The following MGAT4C variants were observed in gnomAD, a reference collection of about 807,000 sequenced individuals.
MGAT4C encodes alpha-1,3-mannosyl-glycoprotein 4-beta-N-acetylglucosaminyltransferase C.
Under a neutral mutation model 40.1 loss-of-function variants are expected in MGAT4C, and 19 were observed. That is an observed-to-expected ratio of 0.47 (90% CI 0.33 to 0.70). MGAT4C has a LOEUF of 0.70. Among genes scored for constraint, MGAT4C ranks in the 30% least tolerant of loss-of-function variants. The pLI, the probability that MGAT4C is intolerant of heterozygous loss-of-function variation, is 0.02. For missense variants in MGAT4C, 491 were observed against 563.2 expected (o/e 0.87, Z 1.30); for synonymous variants, 181 against 187.1 (o/e 0.97, Z 0.27).
chr12:86,470,576 G>T (rs1261497121), intron 2 of MGAT4C, among the ~76,000 whole-genome samples: 1 of 152,056 alleles, frequency 6.6e-6, no homozygotes, highest in East Asian at 1.9e-4. Flanking sequence ...TTTAGGAATT[G>T]AATCTTATTC....
chr12:86,811,787 T>TCTA (rs1952480395), intron 1 of MGAT4C, among the ~76,000 whole-genome samples: 1 of 151,596 alleles, frequency 6.6e-6, no homozygotes, highest in Admixed American at 6.6e-5. Flanking sequence ...ATCAATGTTC[T>TCTA]CTATCATTTT....
At chr12:86,298,847 A>G (rs924520368) in intron 4 of MGAT4C, among the ~76,000 whole-genome samples, 2 of 152,156 alleles carry the variant, frequency 1.3e-5, no homozygotes, top group African/African-American at 4.8e-5. Context: ...TAGTATATCT[A>G]TACCAATCAC....
chr12:86,097,413 A>G (rs1395355728), intron 1 of MGAT4C, among the ~76,000 whole-genome samples: 3 of 151,688 alleles, frequency 2.0e-5, no homozygotes, highest in Non-Finnish European at 4.4e-5. Context: ...ATAATCCTGG[A>G]TACTAAAATA....
intron 2 of MGAT4C, among the ~76,000 whole-genome samples, chr12:86,615,996 G>T (rs946824318): frequency 9.9e-5 from 15 of 152,092 alleles, no homozygotes; most frequent in Admixed American, 9.8e-4. Context: ...GCTCCAGTAA[G>T]AAAGTTGTAG....
rs187031266 is a variant in MGAT4C at position 86,727,533 on chromosome 12, C to T, written c.-261-292G>A. ...GATCTTAAATATTGCTAGAGAGGAT[C>T]GAAGAGGCAAAGGAAAGCCAGAAGT... On this transcript the variant is annotated intron_variant, in intron 1 of 7. Coordinates refer to the MGAT4C transcript ENST00000548651. Among the ~76,000 whole-genome samples the T allele has an allele frequency of 1.7e-3, 252 of 150,914 alleles. 1 individual carries two copies. Among genetic ancestry groups the T allele is most frequent in the Non-Finnish European group, 2.5e-3 (168 of 67,792 alleles).
rs764404632 is a variant in MGAT4C at position 85,989,570 on chromosome 12, A to G, written c.-6-18T>C. ...ATTCTCTTCTGTGGAAAAGAGACAC[A>G]GAATTACTAGCAGTTGGTTTTGGAT... is the stretch of plus-strand genomic sequence containing the variant. On this transcript the variant is annotated intron_variant, in intron 2 of 4. Transcript: ENST00000611864. 5 of 1,566,268 alleles carry G rather than the reference A, an allele frequency of 3.2e-6. No individual in the cohort carries two copies. In the South Asian group the frequency reaches 6.1e-5, roughly 19 times the overall value.
At chr12:86,001,030 T>C (rs1346720897) in intron 2 of MGAT4C, among the ~76,000 whole-genome samples, 1 of 152,158 alleles carries the variant, frequency 6.6e-6, no homozygotes, top group African/African-American at 2.4e-5. Context: ...TGGCTCATAA[T>C]TTTGTTGAAG....
chr12:86,357,029 T>C (rs1003330760), intron 3 of MGAT4C, among the ~76,000 whole-genome samples: 1 of 152,164 alleles, frequency 6.6e-6, no homozygotes, highest in Non-Finnish European at 1.5e-5. Context: ...CCTCCTCAAG[T>C]GTGTCCCTGA....
Position 86,049,675 on chromosome 12 carries a change from T to C in MGAT4C, c.-8A>G. 1.0e-6 allele frequency: 1 copy of C among 983,494 alleles called. No homozygotes were observed. Among genetic ancestry groups the C allele is most frequent in the South Asian group, 4.7e-5 (1 of 21,242 alleles). 60.9% of individuals were successfully genotyped at this position (983,494 alleles called of 1,614,324 possible). On this transcript the variant is annotated splice_region_variant and 5_prime_UTR_variant, in exon 2 of 5. Coordinates refer to ENST00000611864, the MANE Select transcript of MGAT4C (RefSeq NM_001351288.2). The stretch of plus-strand genomic sequence containing the variant: ...ACCATGAATGACATAGAATCTCACC[T>C]TAAGAAAGACGCTGTCATAATCTGT...
intron 2 of MGAT4C, among the ~76,000 whole-genome samples, chr12:86,450,209 C>T (rs942793954): frequency 6.6e-6 from 1 of 152,152 alleles, no homozygotes; most frequent in Admixed American, 6.6e-5. Flanking sequence ...ACATTGTCAA[C>T]AGGATTTGTT....
At chr12:86,092,121 T>C (rs1041085268) in intron 1 of MGAT4C, among the ~76,000 whole-genome samples, 8 of 152,120 alleles carry the variant, frequency 5.3e-5, no homozygotes, top group African/African-American at 1.9e-4. Flanking sequence ...TGACCTTTTG[T>C]TTTTCATTGC....
chr12:86,201,103 T>C (rs972751547), intron 1 of MGAT4C, among the ~76,000 whole-genome samples: 1 of 152,252 alleles, frequency 6.6e-6, no homozygotes, highest in Non-Finnish European at 1.5e-5. Flanking sequence ...AGTAGACTAA[T>C]ACAGATTTTT....
chr12:86,570,482 A>C (rs1960317066), intron 2 of MGAT4C, among the ~76,000 whole-genome samples: 1 of 152,152 alleles, frequency 6.6e-6, no homozygotes, highest in Non-Finnish European at 1.5e-5. Context: ...CCTTGTACAA[A>C]AATCAGCTCA....
At chr12:86,094,143 G>A (rs1417601055) in intron 1 of MGAT4C, among the ~76,000 whole-genome samples, 2 of 152,080 alleles carry the variant, frequency 1.3e-5, no homozygotes, top group African/African-American at 4.8e-5. Flanking sequence ...ATGAAATATT[G>A]TGTGAATCAT....
At chr12:86,197,779 AAAAGAT>A (rs1949879850) in intron 1 of MGAT4C, among the ~76,000 whole-genome samples, 1 of 152,238 alleles carries the variant, frequency 6.6e-6, no homozygotes, top group Non-Finnish European at 1.5e-5. Context: ...TCAAAAAAGT[AAAAGAT>A]GCATTCTTAG....
intron 2 of MGAT4C, among the ~76,000 whole-genome samples, chr12:86,578,058 A>G (rs1394869666): frequency 6.6e-6 from 1 of 151,722 alleles, no homozygotes; most frequent in Non-Finnish European, 1.5e-5. Flanking sequence ...AATGGTTTAT[A>G]AGATTGTTAT....
chr12:86,435,415 G>C (rs1259221681), intron 2 of MGAT4C: 1 of 151,716 alleles, frequency 6.6e-6, no homozygotes, highest in African/African-American at 2.4e-5. Context: ...CAAGCTGTTT[G>C]GTTTCTCTGT....
chr12:86,339,467 TA>T (rs1954862698), intron 3 of MGAT4C, among the ~76,000 whole-genome samples: 1 of 152,182 alleles, frequency 6.6e-6, no homozygotes, highest in African/African-American at 2.4e-5. Flanking sequence ...TTTGCCTCCT[TA>T]AAAGGTCTAC....
chr12:86,085,230 G>A (rs982427639), intron 1 of MGAT4C, among the ~76,000 whole-genome samples: 6 of 151,926 alleles, frequency 3.9e-5, no homozygotes, highest in African/African-American at 1.4e-4. Flanking sequence ...TGTCAAGTTT[G>A]GCTTTTGTTG....
Sources: gnomAD v4.1 joint callset for allele counts (sites outside exome capture counted in the v4.1 genomes callset) on GRCh38, gnomAD v4.1.1 for gene constraint, MANE v1.5 for transcripts, NCBI Gene and HGNC (gene_info 2026-07-23, HGNC 2026-07-21) for gene names.